Variants in MMP28 observed in about 807,000 individuals in gnomAD.
The protein encoded by MMP28 is matrix metalloproteinase-28.
Under a neutral mutation model 60.5 loss-of-function variants are expected in MMP28, and 55 were observed. That is an observed-to-expected ratio of 0.91 (90% CI 0.73 to 1.14). The LOEUF is 1.14. Among genes scored for constraint, MMP28 ranks in the 50% most tolerant of loss-of-function variants. The probability of loss-of-function intolerance (pLI) is 0.00; values close to 1 mark genes in which losing one functional copy is unlikely to be tolerated. For synonymous variants in MMP28, 318 were observed against 312.5 expected, an observed-to-expected ratio of 1.02 and a Z score of -0.18; for missense variants, 686 against 738.3, an observed-to-expected ratio of 0.93 and a Z score of 0.82.
intron 4 of MMP28, among the ~76,000 whole-genome samples, chr17:35,772,273 AT>A (rs1939342437): frequency 6.6e-6 from 1 of 152,188 alleles, no homozygotes; most frequent in South Asian, 2.1e-4. Flanking sequence ...CTGCTTGGGG[AT>A]CCTGATGTCC....
Position 35,773,220 on chromosome 17 carries a change from C to T in MMP28, c.564G>A (p.Gly188=), listed in dbSNP as rs763326364. 4 of 1,614,022 alleles carry T rather than the reference C, an allele frequency of 2.5e-6. No individual in the cohort carries two copies. The highest frequency in any genetic ancestry group is 3.4e-6 in the Non-Finnish European group (4 of 1,179,892). ...PADIRLTFFQ[G]DHNDGLGNAF... ...CATTGCCCAGCCCATCGTTGTGGTC[C>T]CCTTGGAAGAAGGTGAGCCGGATGT... The change falls in exon 4 of 8, where the codon GGG becomes GGA. Residue 188 remains glycine, a synonymous_variant. Coordinates refer to ENST00000605424, the MANE Select transcript of MMP28 (RefSeq NM_024302.5).
downstream of MMP28, chr17:35,761,089 G>T: frequency 1.1e-6 from 1 of 879,728 alleles, no homozygotes; most frequent in Non-Finnish European, 1.6e-6. Flanking sequence ...CTCTCCTTTC[G>T]CCTTCCTGAA....
chr17:35,760,861 G>A, intron 2 of MMP28: 1 of 1,562,280 alleles, frequency 6.4e-7, no homozygotes, highest in Non-Finnish European at 8.8e-7. Flanking sequence ...CCCTAGACAT[G>A]AGACAAAGTT....
At chr17:35,760,111 ACT>A (rs1168229196) in intron 2 of MMP28, among the ~76,000 whole-genome samples, 29 of 151,994 alleles carry the variant, frequency 1.9e-4, no homozygotes, top group African/African-American at 6.8e-4. Flanking sequence ...ATTGCCCTCC[ACT>A]CTCAGACTTG....
At chr17:35,768,776 C>T (rs917805845) in intron 5 of MMP28, among the ~76,000 whole-genome samples, 5 of 151,984 alleles carry the variant, frequency 3.3e-5, no homozygotes, top group African/African-American at 7.3e-5. Flanking sequence ...TGCCACTGCA[C>T]GCTAGCCTGG....
chr17:35,778,321 G>A (rs911950435), intron 3 of MMP28, among the ~76,000 whole-genome samples: 30 of 152,068 alleles, frequency 2.0e-4, no homozygotes, highest in Admixed American at 3.9e-4. Flanking sequence ...GGGAATGACT[G>A]CTAATGGGCA....
chr17:35,766,308 A>T lies in MMP28; in HGVS notation c.*192T>A. On this transcript the variant is annotated 3_prime_UTR_variant, in exon 8 of 8. Coordinates refer to ENST00000605424, the MANE Select transcript of MMP28 (RefSeq NM_024302.5). The surrounding 1 kb of genome is among the most constrained non-coding windows in gnomAD (Gnocchi z 4.3). Reference sequence around the variant, plus strand: ...TAAGATTGATCCCACCCCCACCTCCATGTGGTGGGGACAGACAAAGACAAT... The same window carrying T: ...TAAGATTGATCCCACCCCCACCTCCTTGTGGTGGGGACAGACAAAGACAAT... 2.2e-6 allele frequency: 3 copies of T among 1,372,950 alleles called. No individual in the cohort carries two copies. The highest frequency in any genetic ancestry group is 2.8e-6 in the Non-Finnish European group (3 of 1,064,384). 85.0% of individuals were successfully genotyped at this position (1,372,950 alleles called of 1,614,324 possible).
chr17:35,764,612 C>T (rs1555602437), downstream of MMP28: 22 of 1,580,292 alleles, frequency 1.4e-5, no homozygotes, highest in Non-Finnish European at 1.7e-5. Flanking sequence ...CCGCTGGGAA[C>T]TCCTGAGCGC....
chr17:35,793,177 A>T (rs2086864702), intron 1 of MMP28, among the ~76,000 whole-genome samples: 1 of 152,220 alleles, frequency 6.6e-6, no homozygotes, highest in Non-Finnish European at 1.5e-5. Context: ...CTCAGAGTTA[A>T]AAATCCCCTT....
At chr17:35,758,497 G>C (rs375902994) in intron 2 of MMP28, among the ~76,000 whole-genome samples, 2 of 152,092 alleles carry the variant, frequency 1.3e-5, no homozygotes, top group African/African-American at 2.4e-5. Context: ...TTCAAGACCA[G>C]CCTGGCCAAC....
intron 1 of MMP28, among the ~76,000 whole-genome samples, chr17:35,787,996 C>A (rs1189669501): frequency 1.4e-5 from 2 of 146,594 alleles, no homozygotes; most frequent in South Asian, 4.4e-4. Context: ...ACCTTGACTT[C>A]CTGGGCTCAA....
chr17:35,773,016 G>T lies in MMP28; in HGVS notation c.604+164C>A, dbSNP rs550979581. On this transcript the variant is annotated intron_variant, in intron 4 of 7. Transcript: ENST00000605424. ...GACATGTGACACATAATAGGGCAGG[G>T]ACCACTGTTCCCATTTTAGGATGAG... is the stretch of plus-strand genomic sequence containing the variant. Among the ~76,000 whole-genome samples the T allele has an allele frequency of 3.9e-5, 6 of 152,342 alleles. No homozygotes were observed. In the South Asian group the frequency reaches 1.2e-3, roughly 32 times the overall value.
intron 2 of MMP28, among the ~76,000 whole-genome samples, chr17:35,756,977 C>G (rs1425441467): frequency 2.0e-5 from 3 of 151,746 alleles, no homozygotes; most frequent in African/African-American, 7.3e-5. Context: ...GCGGGCAGAT[C>G]ACTTGAGGTC....
At chr17:35,761,055 T>C, downstream of MMP28, 1 of 1,322,052 alleles carries the variant, frequency 7.6e-7, no homozygotes, top group Non-Finnish European at 1.0e-6. Context: ...TTTTCTCAGT[T>C]ACCCATCCAT....
At chr17:35,772,344 C>T (rs963205066) in intron 4 of MMP28, among the ~76,000 whole-genome samples, 1 of 152,188 alleles carries the variant, frequency 6.6e-6, no homozygotes, top group African/African-American at 2.4e-5. Flanking sequence ...AGGTAGATCA[C>T]ATGGATGAAG....
downstream of MMP28, chr17:35,764,126 G>T: frequency 6.5e-7 from 1 of 1,549,858 alleles, no homozygotes; most frequent in Non-Finnish European, 8.7e-7. Context: ...GCCGCTGGAG[G>T]ACAGCGCGAC....
intron 1 of MMP28, among the ~76,000 whole-genome samples, chr17:35,789,218 C>T (rs1215815783): frequency 6.6e-6 from 1 of 152,118 alleles, no homozygotes; most frequent in Non-Finnish European, 1.5e-5. Flanking sequence ...GACATGGACA[C>T]AGAGGAAGAT....
At chr17:35,774,936 C>T (rs374283483) in intron 3 of MMP28, among the ~76,000 whole-genome samples, 7 of 152,292 alleles carry the variant, frequency 4.6e-5, no homozygotes, top group South Asian at 4.1e-4. Flanking sequence ...CTGTGGGGGA[C>T]GGTCTCCCAG....
chr17:35,758,578 G>A (rs947357086), intron 2 of MMP28, among the ~76,000 whole-genome samples: 5 of 152,230 alleles, frequency 3.3e-5, no homozygotes, highest in African/African-American at 1.2e-4. Flanking sequence ...TGTAATCCCA[G>A]CTACTCAGGA....
Sources: allele counts gnomAD v4.1 joint callset (sites outside exome capture counted in the v4.1 genomes callset), GRCh38; gene constraint gnomAD v4.1.1; non-coding constraint Gnocchi (gnomAD v3.1); transcripts MANE v1.5; gene names NCBI Gene and HGNC (gene_info 2026-07-23, HGNC 2026-07-21).